LRRFIP1: variants seen among roughly 807,000 people sequenced by gnomAD.
LRRFIP1 encodes leucine-rich repeat flightless-interacting protein 1.
LRRFIP1 carries 62 observed loss-of-function variants against 104.4 expected under a neutral mutation model. The ratio of observed to expected loss-of-function variants is 0.59; its 90% CI spans 0.48 to 0.73. The LOEUF is 0.73. Among genes scored for constraint, LRRFIP1 ranks in the 30% least tolerant of loss-of-function variants. The pLI is 0.00. For synonymous variants in LRRFIP1, 300 were observed against 299.0 expected (o/e 1.00, Z -0.03); for missense variants, 796 against 824.5 (o/e 0.97, Z 0.42).
intron 10 of LRRFIP1, among the ~76,000 whole-genome samples, chr2:237,736,327 A>G (rs980077667): frequency 5.9e-5 from 9 of 152,336 alleles, no homozygotes; most frequent in Admixed American, 2.0e-4. Flanking sequence ...GCAGCCCACT[A>G]TATAACATAT....
chr2:237,688,765 G>A (rs1035817106), intron 1 of LRRFIP1, among the ~76,000 whole-genome samples: 1 of 151,940 alleles, frequency 6.6e-6, no homozygotes, highest in Non-Finnish European at 1.5e-5. Flanking sequence ...GGCCCCAGAT[G>A]CACCCTCTTC....
At position 237,627,784 on chromosome 2, in the gene LRRFIP1, G is replaced by C. The variant is rs535584704; in HGVS notation, c.96+44G>C. On this transcript the variant is annotated intron_variant, in intron 1 of 23. Coordinates refer to ENST00000308482, the MANE Select transcript of LRRFIP1 (RefSeq NM_001137550.2). The stretch of plus-strand genomic sequence containing the variant: ...CAGCCGGGGGGCGCCGGGCGGGCGC[G>C]GGGGCCGGACGGCTGTCAGGGTCTC... The C allele has an allele frequency of 8.7e-6, 10 of 1,151,738 alleles. No individual in the cohort carries two copies. The South Asian group carries it at 2.4e-4, about 28-fold the overall frequency. The allele number at this position is 1,151,738 out of a possible 1,614,324, so 71.3% of individuals were successfully genotyped here.
At chr2:237,693,536 G>A (rs1366207310) in intron 1 of LRRFIP1, among the ~76,000 whole-genome samples, 1 of 152,168 alleles carries the variant, frequency 6.6e-6, no homozygotes, top group East Asian at 1.9e-4. Flanking sequence ...TAAAACTCTG[G>A]CAGTGGGCCA....
At chr2:237,696,961 C>T (rs1285309336) in intron 1 of LRRFIP1, among the ~76,000 whole-genome samples, 1 of 152,230 alleles carries the variant, frequency 6.6e-6, no homozygotes, top group Non-Finnish European at 1.5e-5. Flanking sequence ...CTCTGTCAAA[C>T]TTTTCTGTTC....
chr2:237,700,410 G>A (rs1437704591), intron 1 of LRRFIP1, among the ~76,000 whole-genome samples: 1 of 152,194 alleles, frequency 6.6e-6, no homozygotes, highest in East Asian at 1.9e-4. Flanking sequence ...TCACGTGAGT[G>A]AACTTGAATT....
intron 1 of LRRFIP1, among the ~76,000 whole-genome samples, chr2:237,660,454 T>C (rs1371699568): frequency 6.7e-6 from 1 of 150,360 alleles, no homozygotes; most frequent in South Asian, 2.1e-4. Flanking sequence ...CAGTGTAGGT[T>C]TGGGGACATA....
intron 4 of LRRFIP1, 91 bp from the exon 5 acceptor site, chr2:237,719,432 T>A: frequency 1.3e-6 from 1 of 797,656 alleles, no homozygotes; most frequent in South Asian, 1.4e-5. Flanking sequence ...ACTGCTGTAT[T>A]ATGGTGCAGT....
intron 1 of LRRFIP1, among the ~76,000 whole-genome samples, chr2:237,671,754 G>A (rs117978029): frequency 6.6e-6 from 1 of 151,698 alleles, no homozygotes; most frequent in South Asian, 2.1e-4. Flanking sequence ...ACTGCTTTAT[G>A]TGTCTGTGTG....
intron 21 of LRRFIP1, chr2:237,772,493 GT>G (rs2060729733): frequency 4.9e-6 from 2 of 410,228 alleles, no homozygotes; most frequent in Non-Finnish European, 8.7e-6. Flanking sequence ...TCTGTTGATT[GT>G]ATGAAAAAAA....
At chr2:237,639,231 G>A (rs1463358501) in intron 1 of LRRFIP1, among the ~76,000 whole-genome samples, 1 of 152,176 alleles carries the variant, frequency 6.6e-6, no homozygotes, top group Non-Finnish European at 1.5e-5. Flanking sequence ...TGGAGCTTGT[G>A]AGAAAAATAT....
In LRRFIP1 at chr2:237,735,398, G is replaced by A; in HGVS notation, c.555+65G>A. The stretch of plus-strand genomic sequence containing the variant: ...GCTGCATGGCCTGGGGATGCTCGCT[G>A]GGCAGGGTCCAGCCGTGGGGGGTGA... On this transcript the variant is annotated intron_variant, in intron 10 of 23. Transcript: ENST00000308482. This position sits in a 1 kb window ranked among gnomAD's most constrained non-coding sequence, Gnocchi z 4.6. 6.6e-7 allele frequency: 1 copy of A among 1,513,402 alleles called. No individual in the cohort carries two copies. Among genetic ancestry groups the A allele is most frequent in the South Asian group, 1.2e-5 (1 of 84,050 alleles). The allele number at this position is 1,513,402 out of a possible 1,614,324, so 93.7% of individuals were successfully genotyped here. A position where few individuals can be genotyped will look rare whatever the true frequency, so the allele number is the denominator to read the frequency against.
In LRRFIP1 at chr2:237,686,679, CA is replaced by C. The variant is rs570873595; in HGVS notation, c.97-21864del. ...TGCATGCTGCCATATGTAAGCCCGG[CA>C]CTGGAGCTGTTGTGGATGCTGGAGA... is the stretch of plus-strand genomic sequence containing the variant. On this transcript the variant is annotated intron_variant, in intron 1 of 23. Coordinates refer to ENST00000308482, the MANE Select transcript of LRRFIP1 (RefSeq NM_001137550.2). 2.6e-4 allele frequency among the ~76,000 whole-genome samples: 40 copies of C among 152,354 alleles called. No homozygotes were observed. In the South Asian group the frequency reaches 7.9e-3, roughly 30 times the overall value.
chr2:237,690,747 A>AAAAG (rs199671596), intron 1 of LRRFIP1, among the ~76,000 whole-genome samples: 8 of 151,698 alleles, frequency 5.3e-5, no homozygotes, highest in East Asian at 1.9e-4. Flanking sequence ...AAAAAAAAAA[A>AAAAG]AAAGAAAGAA....
chr2:237,739,971 G>C (rs2095364813), intron 11 of LRRFIP1, among the ~76,000 whole-genome samples: 1 of 152,106 alleles, frequency 6.6e-6, no homozygotes, highest in Non-Finnish European at 1.5e-5. Flanking sequence ...ATGGAGGAGG[G>C]GAGGTGGGCA....
intron 23 of LRRFIP1, among the ~76,000 whole-genome samples, chr2:237,776,565 C>T (rs963475528): frequency 1.3e-5 from 2 of 151,970 alleles, no homozygotes; most frequent in African/African-American, 4.8e-5. Context: ...TCTCATTCTC[C>T]CTATTTCTCC....
In LRRFIP1 at chr2:237,735,664, C is replaced by T. The variant is rs2095221359; in HGVS notation, c.555+331C>T. The T allele has an allele frequency of 1.5e-5, 4 of 272,882 alleles. No individual in the cohort carries two copies. The South Asian group carries it at 2.2e-4, about 15-fold the overall frequency. 16.9% of individuals were successfully genotyped at this position (272,882 alleles called of 1,614,324 possible). On this transcript the variant is annotated intron_variant, in intron 10 of 23. Transcript: ENST00000308482. The surrounding 1 kb of genome is among the most constrained non-coding windows in gnomAD (Gnocchi z 4.6). ...GGGAAAAGGACAACTTGACAGACCA[C>T]ACATCATTCTCGTCCCTGGATAGTT...
At chr2:237,709,629 A>G (rs2093976852) in intron 2 of LRRFIP1, among the ~76,000 whole-genome samples, 1 of 152,150 alleles carries the variant, frequency 6.6e-6, no homozygotes, top group East Asian at 1.9e-4. Context: ...AGCTGGCCAC[A>G]TACCCTGCAG....
chr2:237,763,118 G>C (rs756687536), intron 19 of LRRFIP1: 1 of 1,614,240 alleles, frequency 6.2e-7, no homozygotes, highest in Non-Finnish European at 8.5e-7. Flanking sequence ...GACAAGCACA[G>C]GGCATAGTTT....
intron 11 of LRRFIP1, among the ~76,000 whole-genome samples, chr2:237,742,324 G>A (rs992410137): frequency 6.6e-6 from 1 of 152,152 alleles, no homozygotes; most frequent in African/African-American, 2.4e-5. Context: ...GGCACGCTTA[G>A]GGAACAAAGG....
Sources: allele counts gnomAD v4.1 joint callset (sites outside exome capture counted in the v4.1 genomes callset), GRCh38; gene constraint gnomAD v4.1.1; non-coding constraint Gnocchi (gnomAD v3.1); transcripts MANE v1.5; gene names NCBI Gene and HGNC (gene_info 2026-07-23, HGNC 2026-07-21).